ASB3: variants seen among roughly 807,000 people sequenced by gnomAD.
ASB3 encodes the protein ankyrin repeat and SOCS box containing 3, also known as ankyrin repeat and SOCS box protein 3.
ASB3 carries 41 observed loss-of-function variants against 54.5 expected under a neutral mutation model. The observed-to-expected ratio is 0.75, with a 90% confidence interval of 0.59 to 0.98. The LOEUF is 0.98. Ranked by LOEUF, ASB3 falls within the 50% of genes least tolerant of loss-of-function variation. The pLI is 0.00. For missense variants in ASB3, 733 were observed against 620.0 expected, an observed-to-expected ratio of 1.18 and a Z score of -1.94; for synonymous variants, 266 against 221.2, an observed-to-expected ratio of 1.20 and a Z score of -1.80.
chr2:53,771,853 TACTTAATGA>T (rs1673935517), intron 1 of ASB3: 14 of 956,116 alleles, frequency 1.5e-5, no homozygotes, highest in Non-Finnish European at 2.3e-5. Context: ...AATGCTCAGC[TACTTAATGA>T]ACTTTATTAA....
chr2:53,694,134 A>C, intron 8 of ASB3, 120 bp from the exon 9 acceptor site: 1 of 1,146,926 alleles, frequency 8.7e-7, no homozygotes, highest in Non-Finnish European at 1.2e-6. Context: ...ACAGAAAACC[A>C]GGGCATGTTA....
chr2:53,711,467 T>C (rs748967012), intron 7 of ASB3, among the ~76,000 whole-genome samples: 11 of 152,160 alleles, frequency 7.2e-5, no homozygotes, highest in African/African-American at 1.2e-4. Context: ...CAGATCAGGG[T>C]TGGCCCTCAG....
intron 6 of ASB3, 89 bp from the exon 7 acceptor site, chr2:53,714,670 T>A: frequency 1.5e-6 from 2 of 1,308,534 alleles, no homozygotes; most frequent in Non-Finnish European, 2.1e-6. Context: ...TTTTCAGAAT[T>A]ACCAACTGAT....
intron 3 of ASB3, among the ~76,000 whole-genome samples, chr2:53,744,029 T>G (rs1351214415): frequency 7.5e-6 from 1 of 133,954 alleles, no homozygotes; most frequent in Admixed American, 7.7e-5. Flanking sequence ...GGTGACAGAG[T>G]GAGACTCTGT....
chr2:53,685,274 G>C (rs1334974282), intron 9 of ASB3, among the ~76,000 whole-genome samples: 3 of 152,106 alleles, frequency 2.0e-5, no homozygotes, highest in Non-Finnish European at 4.4e-5. Flanking sequence ...AATCAACAAA[G>C]GCAGTAGAAG....
intron 3 of ASB3, among the ~76,000 whole-genome samples, chr2:53,735,703 C>T (rs1376566657): frequency 6.6e-6 from 1 of 150,592 alleles, no homozygotes. Flanking sequence ...CCAAAAAAAT[C>T]ATGTAGAATA....
rs185597451 is a variant in ASB3, at chr2:53,704,791, A to T, written c.981-4263T>A. Among the ~76,000 whole-genome samples the T allele has an allele frequency of 1.5e-4, 23 of 152,330 alleles. No individual in the cohort carries two copies. In the East Asian group the frequency reaches 4.0e-3, roughly 27 times the overall value. On this transcript the variant is annotated intron_variant, in intron 7 of 9. Coordinates refer to ENST00000263634, the MANE Select transcript of ASB3 (RefSeq NM_016115.5). ...AAGGTTTTCCTTTACCTATTAGGTA[A>T]CTGGTCTAAAAAAACAAAGATTCTG...
At chr2:53,680,465 G>A (rs1668310606) in intron 9 of ASB3, among the ~76,000 whole-genome samples, 1 of 152,078 alleles carries the variant, frequency 6.6e-6, no homozygotes, top group Non-Finnish European at 1.5e-5. Context: ...TCTCATTGTG[G>A]TTTTGATTTG....
chr2:53,731,230 T>C (rs1478737168), intron 3 of ASB3, among the ~76,000 whole-genome samples: 3 of 152,024 alleles, frequency 2.0e-5, no homozygotes, highest in African/African-American at 7.2e-5. Context: ...TGAAACCCCG[T>C]CTCTACTAAA....
intron 7 of ASB3, among the ~76,000 whole-genome samples, chr2:53,709,654 A>G (rs1322151772): frequency 6.6e-6 from 1 of 152,194 alleles, no homozygotes; most frequent in Non-Finnish European, 1.5e-5. Flanking sequence ...TCACTGTACC[A>G]ATTTCTTTAC....
chr2:53,783,857 C>T (rs1488670304), intron 1 of ASB3, among the ~76,000 whole-genome samples: 1 of 151,984 alleles, frequency 6.6e-6, no homozygotes, highest in Non-Finnish European at 1.5e-5. Context: ...TTAGTTATAC[C>T]CCTACAAGGT....
chr2:53,671,132 T>C (rs566137935), intron 9 of ASB3, among the ~76,000 whole-genome samples: 9 of 152,298 alleles, frequency 5.9e-5, no homozygotes, highest in South Asian at 4.1e-4. Flanking sequence ...TAACATAAAA[T>C]GAAAATTTTT....
chr2:53,769,070 G>A (rs1290873792), intron 1 of ASB3, among the ~76,000 whole-genome samples: 4 of 152,146 alleles, frequency 2.6e-5, no homozygotes, highest in Non-Finnish European at 5.9e-5. Context: ...TTGGGATGTT[G>A]GACACAGTGA....
chr2:53,765,331 T>C lies in ASB3; in HGVS notation c.196+46A>G, dbSNP rs778740044. On this transcript the variant is annotated intron_variant, in intron 2 of 9. Coordinates refer to ENST00000263634, the MANE Select transcript of ASB3 (RefSeq NM_016115.5). ...TGTATTATACTTTTTTATGTTTTAT[T>C]AATCCAGCTTGTAGGCAAAGCCTCC... 3.7e-6 allele frequency: 6 copies of C among 1,610,618 alleles called. No homozygotes were observed. In the East Asian group the frequency reaches 1.3e-4, roughly 36 times the overall value.
chr2:53,676,251 T>C lies in ASB3; in HGVS notation c.1370-5561A>G, dbSNP rs139996569. On this transcript the variant is annotated intron_variant, in intron 9 of 9. Transcript: ENST00000263634. ...TGCTTTAGGAAAGTATCCACAGTGA[T>C]ACTACTTCGTGCAATTCTGGATTCA... Among the ~76,000 whole-genome samples, 7 of 152,334 alleles carry C rather than the reference T, an allele frequency of 4.6e-5. No individual in the cohort carries two copies. In the East Asian group the frequency reaches 1.3e-3, roughly 29 times the overall value.
chr2:53,710,084 A>T (rs1279175664), intron 7 of ASB3, among the ~76,000 whole-genome samples: 1 of 152,170 alleles, frequency 6.6e-6, no homozygotes, highest in South Asian at 2.1e-4. Context: ...TTCATCTGAT[A>T]TTTAATGCAA....
intron 9 of ASB3, among the ~76,000 whole-genome samples, chr2:53,692,331 T>C (rs1262020973): frequency 2.0e-5 from 3 of 152,140 alleles, no homozygotes; most frequent in East Asian, 1.9e-4. Context: ...TATGTCAAGA[T>C]GTGAGATAGC....
At chr2:53,706,278 T>A (rs915321019) in intron 7 of ASB3, among the ~76,000 whole-genome samples, 4 of 152,202 alleles carry the variant, frequency 2.6e-5, no homozygotes, top group Non-Finnish European at 5.9e-5. Flanking sequence ...ATAAATATGC[T>A]AATCTGATAT....
intron 3 of ASB3, among the ~76,000 whole-genome samples, chr2:53,738,691 TGCA>T (rs1463259812): frequency 1.3e-5 from 2 of 152,190 alleles, no homozygotes; most frequent in East Asian, 3.8e-4. Context: ...GGCGATCAGC[TGCA>T]GGTCTTGGAG....
Sources: gnomAD v4.1 joint callset for allele counts (sites outside exome capture counted in the v4.1 genomes callset) on GRCh38, gnomAD v4.1.1 for gene constraint, MANE v1.5 for transcripts, NCBI Gene and HGNC (gene_info 2026-07-23, HGNC 2026-07-21) for gene names.